Variants in TTC28 observed in about 807,000 individuals in gnomAD.
The protein encoded by TTC28 is tetratricopeptide repeat protein 28.
Under a neutral mutation model 198.0 loss-of-function variants are expected in TTC28, and 61 were observed. That is an observed-to-expected ratio of 0.31 (90% CI 0.25 to 0.38). The LOEUF is 0.38. Ranked by LOEUF, TTC28 falls within the 10% of genes least tolerant of loss-of-function variation. The pLI is 1.00. For synonymous variants in TTC28, 1,171 were observed against 1,297.8 expected (o/e 0.90, Z 2.10); for missense variants, 2,678 against 3,164.0 (o/e 0.85, Z 3.69).
intron 2 of TTC28, among the ~76,000 whole-genome samples, chr22:28,553,784 G>A (rs1427841968): frequency 7.3e-5 from 11 of 151,624 alleles, no homozygotes; most frequent in South Asian, 2.1e-4. Flanking sequence ...CAGCCACCCC[G>A]TCCGGGAGGT....
intron 6 of TTC28, among the ~76,000 whole-genome samples, chr22:28,146,310 G>A (rs1482413048): frequency 1.3e-5 from 2 of 152,196 alleles, no homozygotes; most frequent in Non-Finnish European, 2.9e-5. Context: ...AGGGGAGAAC[G>A]ATCATGAAAA....
At chr22:28,171,256 C>T (rs1348296638) in intron 5 of TTC28, among the ~76,000 whole-genome samples, 2 of 152,076 alleles carry the variant, frequency 1.3e-5, no homozygotes. Context: ...GCTTGCCTAC[C>T]CTTTCTTTCC....
intron 6 of TTC28, among the ~76,000 whole-genome samples, chr22:28,159,821 A>C (rs1406804452): frequency 6.6e-6 from 1 of 152,224 alleles, no homozygotes; most frequent in East Asian, 1.9e-4. Context: ...GTAAGTGTCC[A>C]TCAACAGATG....
At chr22:28,442,643 C>T (rs916485146) in intron 2 of TTC28, among the ~76,000 whole-genome samples, 3 of 152,218 alleles carry the variant, frequency 2.0e-5, no homozygotes, top group African/African-American at 7.2e-5. Flanking sequence ...CGGGTGCTTC[C>T]GAGCTGTCAC....
In TTC28 at chr22:27,983,427, T is replaced by C; in HGVS notation, c.6240A>G (p.Pro2080=). 1 of 1,549,986 alleles carries C rather than the reference T, an allele frequency of 6.5e-7. No individual in the cohort carries two copies. Among genetic ancestry groups the C allele is most frequent in the East Asian group, 2.4e-5 (1 of 40,890 alleles). Residue 2080 remains proline (P), a synonymous_variant, in exon 23 of 23, where the codon CCA becomes CCG. Coordinates refer to ENST00000397906, the MANE Select transcript of TTC28 (RefSeq NM_001145418.2). ...YQENRNTCFS[P]DHKQPQPGTA... ...TCCCAGGTTGGGGTTGTTTGTGGTCTGGTGAGAAGCATGTGTTTCGGTTTT... is the reference window on the plus strand; with the variant it reads ...TCCCAGGTTGGGGTTGTTTGTGGTCCGGTGAGAAGCATGTGTTTCGGTTTT...
At chr22:28,198,124 T>G (rs1038430852) in intron 5 of TTC28, among the ~76,000 whole-genome samples, 14 of 152,142 alleles carry the variant, frequency 9.2e-5, no homozygotes, top group African/African-American at 3.4e-4. Context: ...TTTGATGAAG[T>G]AATCTTTCTA....
intron 5 of TTC28, among the ~76,000 whole-genome samples, chr22:28,268,891 G>A (rs556442115): frequency 8.5e-5 from 13 of 152,104 alleles, no homozygotes; most frequent in South Asian, 2.1e-4. Context: ...AAAGAGTAAC[G>A]TTTACTATGA....
chr22:28,334,763 A>G (rs2145884651), intron 2 of TTC28, among the ~76,000 whole-genome samples: 1 of 152,218 alleles, frequency 6.6e-6, no homozygotes. Context: ...TTGTCAGATG[A>G]GCAGATTGCA....
At chr22:28,160,221 GT>G (rs1921011006) in intron 6 of TTC28, among the ~76,000 whole-genome samples, 1 of 152,160 alleles carries the variant, frequency 6.6e-6, no homozygotes, top group Admixed American at 6.5e-5. Flanking sequence ...TAATTGGATT[GT>G]TTGTAACACA....
chr22:28,246,493 T>C (rs1006985101), intron 5 of TTC28, among the ~76,000 whole-genome samples: 1 of 152,210 alleles, frequency 6.6e-6, no homozygotes, highest in Non-Finnish European at 1.5e-5. Context: ...ATATCTTATA[T>C]TGCTACTTGT....
At chr22:28,230,961 C>G (rs1041294331) in intron 5 of TTC28, among the ~76,000 whole-genome samples, 5 of 152,274 alleles carry the variant, frequency 3.3e-5, no homozygotes, top group African/African-American at 9.6e-5. Flanking sequence ...AAAAATGTAT[C>G]AAGTGTTTTA....
chr22:28,044,449 T>A (rs1159143575), intron 12 of TTC28, among the ~76,000 whole-genome samples: 1 of 152,212 alleles, frequency 6.6e-6, no homozygotes, highest in Non-Finnish European at 1.5e-5. Context: ...TTTCTTTTCT[T>A]TTTTTTCTAT....
At chr22:28,011,748 AAGG>A (rs1181058162) in intron 14 of TTC28, among the ~76,000 whole-genome samples, 1 of 152,102 alleles carries the variant, frequency 6.6e-6, no homozygotes, top group Non-Finnish European at 1.5e-5. Flanking sequence ...CCAGGAAGGT[AAGG>A]AGAAGAGGCA....
At chr22:28,172,955 A>G (rs1241710898) in intron 5 of TTC28, among the ~76,000 whole-genome samples, 2 of 152,206 alleles carry the variant, frequency 1.3e-5, no homozygotes, top group Non-Finnish European at 2.9e-5. Flanking sequence ...ATGGCATCAG[A>G]TGAAGCAGTG....
intron 5 of TTC28, among the ~76,000 whole-genome samples, chr22:28,271,940 G>T (rs1932107267): frequency 6.6e-6 from 1 of 151,728 alleles, no homozygotes. Context: ...CTTTTGCTTG[G>T]TTTTCATCCT....
At chr22:28,592,421 T>C (rs920603697) in intron 2 of TTC28, among the ~76,000 whole-genome samples, 1 of 152,012 alleles carries the variant, frequency 6.6e-6, no homozygotes, top group African/African-American at 2.4e-5. Flanking sequence ...GAGGCCTAGA[T>C]GGGAGGATCA....
rs1221112229 is a variant in TTC28 at position 28,131,848 on chromosome 22, T to C, written c.1442-23445A>G. ...CAGGCTCAACAAATGGCTACTATTA[T>C]AATTTTTATTATTAATATATAGCCT... On this transcript the variant is annotated intron_variant, in intron 6 of 22. Transcript: ENST00000397906. Among the ~76,000 whole-genome samples, 9 of 152,344 alleles carry C rather than the reference T, an allele frequency of 5.9e-5. No individual in the cohort carries two copies. The East Asian group carries it at 1.3e-3, about 23-fold the overall frequency.
At chr22:28,572,130 T>TG (rs2050073134) in intron 2 of TTC28, among the ~76,000 whole-genome samples, 1 of 149,596 alleles carries the variant, frequency 6.7e-6, no homozygotes, top group South Asian at 2.1e-4. Context: ...GGCCAGGAGT[T>TG]GGAGAACTGC....
Position 27,982,067 on chromosome 22 carries a change from G to T in TTC28, c.*154C>A. ...GCCCAGAAAAGCCACCAGTGTGTGTGGCAGCCTTTGGACGTGGTGGTGCCC... is the reference window on the plus strand; with the variant it reads ...GCCCAGAAAAGCCACCAGTGTGTGTTGCAGCCTTTGGACGTGGTGGTGCCC... On this transcript the variant is annotated 3_prime_UTR_variant, in exon 23 of 23. Coordinates refer to ENST00000397906, the MANE Select transcript of TTC28 (RefSeq NM_001145418.2). This position sits in a 1 kb window ranked among gnomAD's most constrained non-coding sequence, Gnocchi z 5.2. The T allele has an allele frequency of 1.4e-6, 1 of 736,028 alleles. No individual in the cohort carries two copies. The highest frequency in any genetic ancestry group is 2.1e-6 in the Non-Finnish European group (1 of 483,244). The allele number at this position is 736,028 out of a possible 1,614,324, so 45.6% of individuals were successfully genotyped here.
Sources: gnomAD v4.1 joint callset for allele counts (sites outside exome capture counted in the v4.1 genomes callset) on GRCh38, gnomAD v4.1.1 for gene constraint, Gnocchi (gnomAD v3.1) non-coding constraint, MANE v1.5 for transcripts, NCBI Gene and HGNC (gene_info 2026-07-23, HGNC 2026-07-21) for gene names.